The following PCCB variants were observed in gnomAD, a reference collection of about 807,000 sequenced individuals.
PCCB encodes the protein propionyl-CoA carboxylase subunit beta.
A neutral mutation model predicts 60.7 loss-of-function variants in PCCB; 43 were observed. The observed-to-expected ratio is 0.71, with a 90% CI of 0.55 to 0.91. The LOEUF is 0.91. Ranked by LOEUF, PCCB falls within the 40% of genes least tolerant of loss-of-function variation. The pLI is 0.00. For synonymous variants in PCCB, 276 were observed against 255.9 expected, an observed-to-expected ratio of 1.08 and a Z score of -0.75; for missense variants, 766 against 702.8, an observed-to-expected ratio of 1.09 and a Z score of -1.02.
intron 5 of PCCB, among the ~76,000 whole-genome samples, chr3:136,272,889 G>A (rs1942237496): frequency 6.6e-6 from 1 of 151,870 alleles, no homozygotes; most frequent in African/African-American, 2.4e-5. Flanking sequence ...TGTTTCTCTG[G>A]TTCATTGAGG....
intron 5 of PCCB, among the ~76,000 whole-genome samples, chr3:136,279,604 A>G (rs952655301): frequency 6.6e-6 from 1 of 152,138 alleles, no homozygotes; most frequent in Non-Finnish European, 1.5e-5. Flanking sequence ...TTATATCTTT[A>G]TACATGTTAT....
intron 2 of PCCB, chr3:136,256,258 C>A: frequency 1.8e-6 from 1 of 562,918 alleles, no homozygotes. Context: ...TTTCTTTATA[C>A]GTCCTCCTTC....
intron 6 of PCCB, among the ~76,000 whole-genome samples, chr3:136,293,505 AC>A (rs1162341445): frequency 1.3e-5 from 2 of 152,204 alleles, no homozygotes; most frequent in Non-Finnish European, 2.9e-5. Flanking sequence ...CAGATGAATG[AC>A]CTTGAGATGT....
intron 10 of PCCB, among the ~76,000 whole-genome samples, chr3:136,322,761 A>G (rs1373568677): frequency 6.6e-6 from 1 of 151,970 alleles, no homozygotes; most frequent in Admixed American, 6.6e-5. Context: ...TTCCTTTAGC[A>G]TTTTTCTGTG....
chr3:136,251,336 C>A (rs1404698790), intron 1 of PCCB: 3 of 456,528 alleles, frequency 6.6e-6, no homozygotes, highest in Non-Finnish European at 1.3e-5. Context: ...GTGTCCGTGA[C>A]TGGTGGGTGA....
At position 136,328,753 on chromosome 3, in the gene PCCB, C is replaced by T. The variant is rs575227657; in HGVS notation, c.1399-5C>T. On this transcript the variant is annotated splice_region_variant and splice_polypyrimidine_tract_variant and intron_variant, in intron 13 of 14. Coordinates refer to ENST00000251654, the MANE Select transcript of PCCB (RefSeq NM_000532.5). The stretch of plus-strand genomic sequence containing the variant: ...AAAGATGTTCATGAACTCCTCTAAT[C>T]ACAGGGCGCTGTGGAGATCATCTTC... 7.4e-6 allele frequency: 12 copies of T among 1,611,968 alleles called. No homozygotes were observed. The Admixed American group carries it at 1.5e-4, about 20-fold the overall frequency.
chr3:136,284,071 G>A, intron 6 of PCCB, 124 bp downstream of exon 6: 1 of 723,718 alleles, frequency 1.4e-6, no homozygotes, highest in Non-Finnish European at 2.5e-6. Context: ...TCAGCATAGT[G>A]ATGATAAGGT....
chr3:136,259,335 C>A (rs906803223), intron 3 of PCCB: 4 of 401,860 alleles, frequency 1.0e-5, no homozygotes, highest in African/African-American at 2.1e-5. Flanking sequence ...CCTGGTGGCA[C>A]GTGCCTGTAA....
intron 5 of PCCB, among the ~76,000 whole-genome samples, chr3:136,271,247 G>C (rs1942191042): frequency 6.6e-6 from 1 of 152,088 alleles, no homozygotes; most frequent in South Asian, 2.1e-4. Flanking sequence ...TATGGTTTCA[G>C]GTCTTAGATT....
chr3:136,293,442 A>C (rs1260135974), intron 6 of PCCB, among the ~76,000 whole-genome samples: 2 of 152,230 alleles, frequency 1.3e-5, no homozygotes, highest in South Asian at 2.1e-4. Context: ...TGCTTAAAAA[A>C]CTTCTTGGTG....
intron 9 of PCCB, among the ~76,000 whole-genome samples, chr3:136,315,559 A>G (rs1028226275): frequency 1.2e-4 from 18 of 151,238 alleles, no homozygotes; most frequent in Non-Finnish European, 2.4e-4. Context: ...AATTGGGCAC[A>G]GTGGCTCATG....
At chr3:136,319,895 T>C (rs558518064) in intron 10 of PCCB, among the ~76,000 whole-genome samples, 15 of 152,292 alleles carry the variant, frequency 9.8e-5, no homozygotes, top group South Asian at 4.1e-4. Context: ...TGGATAGGAG[T>C]GCAACTTCAT....
intron 5 of PCCB, among the ~76,000 whole-genome samples, chr3:136,279,946 G>A (rs868808583): frequency 1.2e-4 from 19 of 152,310 alleles, no homozygotes; most frequent in South Asian, 2.1e-4. Flanking sequence ...GATTACAGGC[G>A]TGAGCCACCG....
At chr3:136,252,074 G>T (rs1379889405) in intron 1 of PCCB, among the ~76,000 whole-genome samples, 2 of 151,724 alleles carry the variant, frequency 1.3e-5, no homozygotes, top group African/African-American at 4.8e-5. Context: ...CAGAGACAGG[G>T]TTTCACCATG....
chr3:136,281,841 G>A (rs1942483899), intron 5 of PCCB, among the ~76,000 whole-genome samples: 1 of 152,116 alleles, frequency 6.6e-6, no homozygotes, highest in Admixed American at 6.5e-5. Flanking sequence ...CAAAGAGTAT[G>A]TTCCTTTTTT....
chr3:136,310,841 AATT>A (rs1369591056), intron 9 of PCCB, among the ~76,000 whole-genome samples: 1 of 152,152 alleles, frequency 6.6e-6, no homozygotes, highest in African/African-American at 2.4e-5. Flanking sequence ...GAAAAATCAC[AATT>A]ATTTATATAG....
At chr3:136,310,387 G>A (rs1934616498) in intron 9 of PCCB, among the ~76,000 whole-genome samples, 1 of 152,006 alleles carries the variant, frequency 6.6e-6, no homozygotes. Context: ...GCCAGGCATG[G>A]TGGTATGCAC....
At chr3:136,271,972 A>G (rs554430678) in intron 5 of PCCB, among the ~76,000 whole-genome samples, 2 of 152,158 alleles carry the variant, frequency 1.3e-5, no homozygotes, top group African/African-American at 4.8e-5. Context: ...ACTTTTCCCC[A>G]TTCATTACGA....
At chr3:136,317,652 C>T (rs1348342148) in intron 10 of PCCB, among the ~76,000 whole-genome samples, 2 of 152,160 alleles carry the variant, frequency 1.3e-5, no homozygotes, top group South Asian at 2.1e-4. Flanking sequence ...TCTGTTCCCC[C>T]CTACCCCCAG....
Sources: gnomAD v4.1 joint callset for allele counts (sites outside exome capture counted in the v4.1 genomes callset) on GRCh38, gnomAD v4.1.1 for gene constraint, MANE v1.5 for transcripts, NCBI Gene and HGNC (gene_info 2026-07-23, HGNC 2026-07-21) for gene names.